The following ERBB4 variants were observed in gnomAD, a reference collection of about 807,000 sequenced individuals.
ERBB4 encodes receptor tyrosine-protein kinase erbB-4.
A neutral mutation model predicts 158.0 loss-of-function variants in ERBB4; 42 were observed. That is an observed-to-expected ratio of 0.27 (90% CI 0.21 to 0.34). The LOEUF (loss-of-function observed/expected upper bound fraction) is 0.34. Among genes scored for constraint, ERBB4 ranks in the 10% least tolerant of loss-of-function variants. The probability of loss-of-function intolerance (pLI) is 1.00; values close to 1 mark genes in which losing one functional copy is unlikely to be tolerated. For synonymous variants in ERBB4, 583 were observed against 558.7 expected (o/e 1.04, Z -0.61); for missense variants, 1,333 against 1,624.1 (o/e 0.82, Z 3.08).
intron 1 of ERBB4, among the ~76,000 whole-genome samples, chr2:212,362,193 T>C (rs1273756362): frequency 6.6e-6 from 1 of 151,460 alleles, no homozygotes; most frequent in Non-Finnish European, 1.5e-5. Context: ...TACTGGCAGA[T>C]CTGGTAAAAG....
At chr2:211,772,858 TATATATATATAC>T (rs2075739785) in intron 4 of ERBB4, among the ~76,000 whole-genome samples, 2 of 75,788 alleles carry the variant, frequency 2.6e-5, no homozygotes, top group Non-Finnish European at 4.9e-5. Context: ...TATATATATA[TATATATATATAC>T]ACATATATAT....
At chr2:211,956,833 G>A (rs1267142045) in intron 2 of ERBB4, among the ~76,000 whole-genome samples, 1 of 151,904 alleles carries the variant, frequency 6.6e-6, no homozygotes, top group Non-Finnish European at 1.5e-5. Flanking sequence ...ATTTATTCAT[G>A]TATATATTTG....
intron 2 of ERBB4, among the ~76,000 whole-genome samples, chr2:212,057,811 G>T (rs889721339): frequency 1.3e-5 from 2 of 152,148 alleles, no homozygotes; most frequent in Non-Finnish European, 2.9e-5. Context: ...AGCACTAAAT[G>T]CCCACAAGAG....
chr2:211,877,882 C>T (rs1023921830), intron 3 of ERBB4, among the ~76,000 whole-genome samples: 3 of 152,016 alleles, frequency 2.0e-5, no homozygotes, highest in Non-Finnish European at 4.4e-5. Context: ...CCGAGGCGGG[C>T]GGGTCACCTG....
chr2:211,790,989 C>A lies in ERBB4; in HGVS notation c.422-2830G>T, dbSNP rs1459052555. 2.0e-5 allele frequency among the ~76,000 whole-genome samples: 3 copies of A among 151,816 alleles called. No homozygotes were observed. In the East Asian group the frequency reaches 5.8e-4, roughly 29 times the overall value. On this transcript the variant is annotated intron_variant, in intron 3 of 27. Coordinates refer to ENST00000342788, the MANE Select transcript of ERBB4 (RefSeq NM_005235.3). ...TGTTATAATGGCATTTACATATATT[C>A]TTAAAGTTTTCATTGATTTTGTAAC... is the stretch of plus-strand genomic sequence containing the variant.
intron 2 of ERBB4, among the ~76,000 whole-genome samples, chr2:212,060,991 A>T (rs900437598): frequency 2.7e-5 from 4 of 148,594 alleles, no homozygotes. Context: ...ATAAATAAAT[A>T]AAATAAAAAA....
At chr2:212,184,827 G>C (rs986060372) in intron 1 of ERBB4, among the ~76,000 whole-genome samples, 5 of 151,934 alleles carry the variant, frequency 3.3e-5, no homozygotes, top group Non-Finnish European at 5.9e-5. Flanking sequence ...ATAGAGGTCA[G>C]GTTAATTTCA....
At chr2:211,512,648 C>T (rs193135717) in intron 20 of ERBB4, among the ~76,000 whole-genome samples, 5 of 152,136 alleles carry the variant, frequency 3.3e-5, no homozygotes, top group African/African-American at 9.6e-5. Context: ...AGGCAAAACA[C>T]GTTTGCTTTT....
chr2:211,480,290 C>G (rs1016317389), intron 20 of ERBB4, among the ~76,000 whole-genome samples: 30 of 152,078 alleles, frequency 2.0e-4, no homozygotes, highest in African/African-American at 9.7e-5. Flanking sequence ...TGGTTTGGCT[C>G]TCTGTCCACA....
At chr2:211,704,920 T>C (rs1228646045) in intron 10 of ERBB4, among the ~76,000 whole-genome samples, 1 of 152,078 alleles carries the variant, frequency 6.6e-6, no homozygotes, top group East Asian at 1.9e-4. Context: ...AGTTGCTGAT[T>C]CCAATCTTAT....
At chr2:212,134,676 C>CTTTT (rs869141215) in intron 1 of ERBB4, among the ~76,000 whole-genome samples, 2,210 of 68,846 alleles carry the variant, frequency 0.032, no homozygotes, top group East Asian at 0.096. Flanking sequence ...TAAACACTTT[C>CTTTT]TTTTTTTTTT....
At chr2:211,887,390 T>C (rs2078833046) in intron 3 of ERBB4, among the ~76,000 whole-genome samples, 1 of 152,056 alleles carries the variant, frequency 6.6e-6, no homozygotes, top group African/African-American at 2.4e-5. Flanking sequence ...AGAATCAAGA[T>C]TTCACACAGT....
At chr2:212,104,691 C>T (rs77013590) in intron 2 of ERBB4, among the ~76,000 whole-genome samples, 9,268 of 152,096 alleles carry the variant, frequency 0.061, 436 homozygotes, top group South Asian at 0.25. Context: ...ATGATCCTAG[C>T]CACAACACTA....
intron 3 of ERBB4, among the ~76,000 whole-genome samples, chr2:211,812,034 G>A (rs181426856): frequency 9.2e-5 from 14 of 152,252 alleles, no homozygotes; most frequent in South Asian, 6.2e-4. Flanking sequence ...CTGTCAGCTC[G>A]TCAAAGTTAT....
intron 1 of ERBB4, among the ~76,000 whole-genome samples, chr2:212,342,973 G>T (rs967826083): frequency 6.6e-6 from 1 of 151,966 alleles, no homozygotes; most frequent in Non-Finnish European, 1.5e-5. Flanking sequence ...TTTAACTCAA[G>T]AATTTCTATA....
intron 1 of ERBB4, among the ~76,000 whole-genome samples, chr2:212,259,680 T>C (rs1213550799): frequency 6.6e-6 from 1 of 152,210 alleles, no homozygotes; most frequent in African/African-American, 2.4e-5. Flanking sequence ...ACTCCCTTTG[T>C]TCAATTATAC....
rs2076367961 is a variant in ERBB4, at chr2:211,795,655, C to A, written c.422-7496G>T. On this transcript the variant is annotated intron_variant, in intron 3 of 27. Transcript: ENST00000342788. ...CAATACAAGAGGAGTTTCCAACTGGCAAAAACCATGCAAAAGACGGAGAAA... is the reference window on the plus strand; with the variant it reads ...CAATACAAGAGGAGTTTCCAACTGGAAAAAACCATGCAAAAGACGGAGAAA... Among the ~76,000 whole-genome samples the A allele has an allele frequency of 3.3e-5, 5 of 151,598 alleles. No individual in the cohort carries two copies. In the South Asian group the frequency reaches 8.3e-4, roughly 25 times the overall value.
At chr2:212,021,441 G>A (rs780234465) in intron 2 of ERBB4, among the ~76,000 whole-genome samples, 6 of 152,046 alleles carry the variant, frequency 3.9e-5, no homozygotes, top group African/African-American at 1.2e-4. Context: ...TCTGACCTTC[G>A]ACAAACCTGA....
intron 2 of ERBB4, among the ~76,000 whole-genome samples, chr2:211,987,486 G>A (rs550479667): frequency 4.5e-4 from 69 of 151,694 alleles, no homozygotes; most frequent in Non-Finnish European, 2.1e-4. Flanking sequence ...CAGGTTAAAC[G>A]AATCTTAAAG....
Sources: allele counts gnomAD v4.1 joint callset (sites outside exome capture counted in the v4.1 genomes callset), GRCh38; gene constraint gnomAD v4.1.1; transcripts MANE v1.5; gene names NCBI Gene and HGNC (gene_info 2026-07-23, HGNC 2026-07-21).